The following STRC variants were observed in gnomAD, a reference collection of about 807,000 sequenced individuals.
The protein encoded by STRC is stereocilin.
In STRC, 43 loss-of-function variants were observed where a neutral mutation model predicts 103.5. That is an observed-to-expected ratio of 0.42 (90% CI 0.33 to 0.54). The LOEUF (loss-of-function observed/expected upper bound fraction) is 0.54, where lower values mean the gene tolerates loss of function less well. Ranked by LOEUF, STRC falls within the 20% of genes least tolerant of loss-of-function variation. The pLI is 0.14. For missense variants in STRC, 499 were observed against 1,088.5 expected (o/e 0.46, Z 7.62); for synonymous variants, 186 against 442.3 (o/e 0.42, Z 7.27).
chr15:43,601,919 A>G (rs2085672119), intron 23 of STRC, among the ~76,000 whole-genome samples: 1 of 151,678 alleles, frequency 6.6e-6, no homozygotes, highest in Non-Finnish European at 1.5e-5. Context: ...CAGAAGTTCG[A>G]GACCATCCTG....
rs758136531 is a variant in STRC at position 43,601,498 on chromosome 15, C to T, written c.4599G>A (p.Arg1533=). The change falls in exon 24 of 29, where the codon AGG becomes AGA. Residue 1533 remains arginine (R), a synonymous_variant. Transcript: ENST00000450892. The part of the protein sequence containing the change: ...FRPEQILQLG[R]LLIGLGDREL... ...CCCGATCTCCTAGACCTATTAAGAG[C>T]CTACCAAGCTGCAGGATCTGCTCAG... 46 of 1,613,686 alleles carry T rather than the reference C, an allele frequency of 2.9e-5. No individual in the cohort carries two copies. Among genetic ancestry groups the T allele is most frequent in the Middle Eastern group, 1.6e-4 (1 of 6,080 alleles).
In STRC at chr15:43,601,739, T is replaced by C; in HGVS notation, c.4546-188A>G. 3 of 622,556 alleles carry C rather than the reference T, an allele frequency of 4.8e-6. No homozygotes were observed. The South Asian group carries it at 5.7e-5, about 12-fold the overall frequency. The allele number at this position is 622,556 out of a possible 1,614,324, so 38.6% of individuals were successfully genotyped here. ...TCCTCTAAGGTGTTTTGAAAGACAT[T>C]ACAATCAGTGGAAAAGAAGAGCAAA... On this transcript the variant is annotated intron_variant, in intron 23 of 28. Coordinates refer to ENST00000450892, the MANE Select transcript of STRC (RefSeq NM_153700.2).
chr15:43,609,337 A>G lies in STRC; in HGVS notation c.3499-3T>C. On this transcript the variant is annotated splice_polypyrimidine_tract_variant and splice_region_variant and intron_variant, in intron 15 of 28. Coordinates refer to ENST00000450892, the MANE Select transcript of STRC (RefSeq NM_153700.2). Reference sequence around the variant, plus strand: ...ATCTTCTTCCAGAGAAACTGTGCCTACAAGAGAAAGAAAGACGAGCCCCTT... The same window carrying G: ...ATCTTCTTCCAGAGAAACTGTGCCTGCAAGAGAAAGAAAGACGAGCCCCTT... 1 of 1,608,318 alleles carries G rather than the reference A, an allele frequency of 6.2e-7. No individual in the cohort carries two copies. Among genetic ancestry groups the G allele is most frequent in the Non-Finnish European group, 8.5e-7 (1 of 1,178,662 alleles).
In STRC at chr15:43,601,620, G is replaced by A. The variant is rs2447196; in HGVS notation, c.4546-69C>T. The A allele has an allele frequency of 0.13, 202,273 of 1,536,830 alleles. 21,149 individuals carry two copies. The highest frequency in any genetic ancestry group is 0.49 in the African/African-American group (36,380 of 73,584). On this transcript the variant is annotated intron_variant, in intron 23 of 28. Coordinates refer to ENST00000450892, the MANE Select transcript of STRC (RefSeq NM_153700.2). ...TGGGAGTCATACTGCTGGGTTTTAA[G>A]TCTTGCCTCTGCCCTTAGCTGTATA...
intron 19 of STRC, 97 bp from the exon 20 acceptor site, chr15:43,604,943 T>G (rs2085701373): frequency 1.2e-5 from 18 of 1,520,350 alleles, no homozygotes; most frequent in Non-Finnish European, 1.5e-5. Flanking sequence ...CCCTCCCTCC[T>G]GCTCCCAGCT....
rs773418805 is a variant in STRC at position 43,607,966 on chromosome 15, T to G, written c.3691A>C (p.Ile1231Leu). Residue 1231 changes from isoleucine to leucine, a missense_variant, in exon 18 of 29, where the codon ATC (isoleucine) becomes CTC (leucine). Physicochemically the swap from Ile to Leu is conservative, Grantham distance 5. Transcript: ENST00000450892. ...ATCCTCCGCTGTAGCTCTGCCCAGA[T>G]ACAGGCCCTCTGTAGGGAAGCAGTG... ...TRVRGSLRAC[I>L]WAELQRRMAM... The G allele has an allele frequency of 6.2e-7, 1 of 1,610,434 alleles. No individual in the cohort carries two copies. Among genetic ancestry groups the G allele is most frequent in the African/African-American group, 1.4e-5 (1 of 72,534 alleles).
In STRC at chr15:43,601,399, A is replaced by T; in HGVS notation, c.4698T>A (p.Thr1566=). 1 of 1,613,322 alleles carries T rather than the reference A, an allele frequency of 6.2e-7. No individual in the cohort carries two copies. The highest frequency in any genetic ancestry group is 1.1e-5 in the South Asian group (1 of 91,050). Residue 1566 remains threonine, a synonymous_variant, in exon 24 of 29, where the codon ACT becomes ACA. Transcript: ENST00000450892. ...TAGGGAGGAGGAAAAGTGTTACCTG[A>T]GTGGTGCTCCAGCCATCTATCTGCC... ...TLGQIDGWST[T]QLRIVVSSFL...
intron 24 of STRC, 42 bp from the exon 25 acceptor site, chr15:43,601,056 T>C (rs2141519114): frequency 7.8e-7 from 1 of 1,278,562 alleles, no homozygotes; most frequent in African/African-American, 1.5e-5. Flanking sequence ...AGGAAAGTTA[T>C]GGAGAATTAA....
rs2085731151 is a variant in STRC, at chr15:43,609,131, G to A, written c.3557+145C>T. On this transcript the variant is annotated intron_variant, in intron 16 of 28. Coordinates refer to ENST00000450892, the MANE Select transcript of STRC (RefSeq NM_153700.2). ...TGGAAGGAAAGGAGGGCAAAGGGAG[G>A]TGCTAGGAGAACGTCCACGAGGCAG... The A allele has an allele frequency of 5.7e-6, 4 of 705,814 alleles. 1 individual carries two copies. The allele number at this position is 705,814 out of a possible 1,614,324, so 43.7% of individuals were successfully genotyped here.
At chr15:43,605,229 G>A (rs765979118) in intron 19 of STRC, 35 bp downstream of exon 19, 19 of 1,577,384 alleles carry the variant, frequency 1.2e-5, no homozygotes, top group African/African-American at 2.7e-5. Flanking sequence ...ATTGCCCAGG[G>A]CAGCAAATCT....
At position 43,605,385 on chromosome 15, in the gene STRC, T is replaced by C; in HGVS notation, c.3809A>G (p.Asp1270Gly). The C allele has an allele frequency of 6.2e-7, 1 of 1,601,952 alleles. No individual in the cohort carries two copies. The highest frequency in any genetic ancestry group is 8.5e-7 in the Non-Finnish European group (1 of 1,173,274). Residue 1270 changes from aspartate (D) to glycine (G), a missense_variant, in exon 19 of 29, where the codon GAC becomes GGC. Transcript: ENST00000450892. ...LLLDLPIQLM[D>G]RLSNESIMLV... is the part of the protein sequence containing the mutation. ...CATAATGGATTCATTGGATAGTCTG[T>C]CCATCAACTGGATCCTATTACAGCA...
At position 43,604,015 on chromosome 15, in the gene STRC, T is replaced by A. The variant is rs1460054514; in HGVS notation, c.4356A>T (p.Pro1452=). The A allele has an allele frequency of 6.2e-7, 1 of 1,613,102 alleles. No homozygotes were observed. Among genetic ancestry groups the A allele is most frequent in the African/African-American group, 1.3e-5 (1 of 74,868 alleles). Residue 1452 remains proline (P), a synonymous_variant, in exon 22 of 29, where the codon CCA becomes CCT. Coordinates refer to ENST00000450892, the MANE Select transcript of STRC (RefSeq NM_153700.2). ...KAALVAGVVR[P]AAEDLPEPVP... is the part of the protein sequence containing the mutation. ...TTTCACCTGGAAGATCCTCAGCAGC[T>A]GGTCGCACCACCCCTGCTACCAGGG... is the stretch of plus-strand genomic sequence containing the variant.
At chr15:43,609,562 C>G (rs2085734315) in intron 15 of STRC, 2 of 557,770 alleles carry the variant, frequency 3.6e-6, no homozygotes, top group Non-Finnish European at 6.4e-6. Flanking sequence ...ATAAGAGATA[C>G]TAGGGGGCTG....
intron 25 of STRC, 64 bp downstream of exon 25, chr15:43,600,808 C>A: frequency 6.2e-7 from 1 of 1,613,568 alleles, no homozygotes; most frequent in South Asian, 1.1e-5. Context: ...CTTCATGATC[C>A]TTCTTTCCCC....
chr15:43,613,356 G>GT lies in STRC; in HGVS notation c.2481-126dup, dbSNP rs1328051020. ...GTTTTTTTGTTTTGTTTTGTTTTTT[G>GT]TTTTTTTTAAGACGGAGTCTCGCTC... On this transcript the variant is annotated intron_variant, in intron 7 of 28. Coordinates refer to ENST00000450892, the MANE Select transcript of STRC (RefSeq NM_153700.2). 58 of 444,474 alleles carry GT rather than the reference G, an allele frequency of 1.3e-4. 1 individual carries two copies. Among genetic ancestry groups the GT allele is most frequent in the East Asian group, 1.6e-4 (3 of 19,334 alleles). The allele number at this position is 444,474 out of a possible 1,614,324, so 27.5% of individuals were successfully genotyped here.
chr15:43,606,438 A>G (rs1350188861), intron 18 of STRC, among the ~76,000 whole-genome samples: 1 of 145,978 alleles, frequency 6.9e-6, no homozygotes, highest in Non-Finnish European at 1.5e-5. Context: ...CGTCTCTACT[A>G]AAAATGCAAA....
At position 43,602,375 on chromosome 15, in the gene STRC, G is replaced by A. The variant is rs1489574972; in HGVS notation, c.4546-824C>T. Among the ~76,000 whole-genome samples the A allele has an allele frequency of 4.6e-5, 7 of 151,842 alleles. No individual in the cohort carries two copies. In the East Asian group the frequency reaches 1.2e-3, roughly 25 times the overall value. On this transcript the variant is annotated intron_variant, in intron 23 of 28. Transcript: ENST00000450892. ...TTTTTTCTATTTTTAGTAGAGACAG[G>A]GTTTCACCATGTTGCCCAGTCTGGT...
chr15:43,600,838 C>G (rs755347155), intron 25 of STRC, 34 bp downstream of exon 25: 31 of 1,613,620 alleles, frequency 1.9e-5, no homozygotes, highest in East Asian at 1.1e-4. Flanking sequence ...ACCTTTACCT[C>G]AGCACCACCA....
At chr15:43,611,388 G>T in intron 12 of STRC, 73 bp from the exon 13 acceptor site, 1 of 475,286 alleles carries the variant, frequency 2.1e-6, no homozygotes, top group Admixed American at 3.9e-5. Flanking sequence ...TCACAATGCA[G>T]CAAGGCAGTA....
Sources: gnomAD v4.1 joint callset for allele counts (sites outside exome capture counted in the v4.1 genomes callset) on GRCh38, gnomAD v4.1.1 for gene constraint, MANE v1.5 for transcripts, NCBI Gene and HGNC (gene_info 2026-07-23, HGNC 2026-07-21) for gene names.